LDB2: variants seen among roughly 807,000 people sequenced by gnomAD.
LDB2 encodes the protein LIM domain-binding protein 2.
A neutral mutation model predicts 44.3 loss-of-function variants in LDB2; 12 were observed. The observed-to-expected ratio is 0.27, with a 90% CI of 0.17 to 0.44. The LOEUF (loss-of-function observed/expected upper bound fraction) is 0.44. Ranked by LOEUF, LDB2 falls within the 20% of genes least tolerant of loss-of-function variation. The pLI is 1.00. For missense variants in LDB2, 344 were observed against 473.5 expected, an observed-to-expected ratio of 0.73 and a Z score of 2.54; for synonymous variants, 164 against 174.8, an observed-to-expected ratio of 0.94 and a Z score of 0.49.
intron 1 of LDB2, among the ~76,000 whole-genome samples, chr4:16,885,366 G>A (rs1721365376): frequency 6.6e-6 from 1 of 151,968 alleles, no homozygotes; most frequent in Non-Finnish European, 1.5e-5. Flanking sequence ...CAAAATGGCT[G>A]CTTCAGTGAA....
intron 5 of LDB2, among the ~76,000 whole-genome samples, chr4:16,576,046 A>G (rs999798466): frequency 6.6e-6 from 1 of 152,322 alleles, no homozygotes. Context: ...TTTTAAAACA[A>G]ATGATAATAG....
chr4:16,875,721 C>T (rs920573747), intron 1 of LDB2, among the ~76,000 whole-genome samples: 4 of 152,184 alleles, frequency 2.6e-5, no homozygotes, highest in Non-Finnish European at 5.9e-5. Context: ...AAGAGACATT[C>T]CTTTATGTAA....
intron 1 of LDB2, among the ~76,000 whole-genome samples, chr4:16,814,184 T>G (rs576010175): frequency 2.0e-4 from 30 of 152,210 alleles, no homozygotes; most frequent in Non-Finnish European, 4.1e-4. Context: ...ATACTGTTTT[T>G]CTAACAGCCC....
chr4:16,517,512 A>G (rs1724214243), intron 5 of LDB2, among the ~76,000 whole-genome samples: 1 of 152,180 alleles, frequency 6.6e-6, no homozygotes, highest in Admixed American at 6.5e-5. Context: ...CATGTCTGCA[A>G]CATCTGCAGC....
intron 5 of LDB2, among the ~76,000 whole-genome samples, chr4:16,529,168 C>T (rs17488750): frequency 0.018 from 2,815 of 152,242 alleles, 32 homozygotes; most frequent in Middle Eastern, 0.041. Context: ...GAATGAGTAA[C>T]GGGCCCAAGG....
intron 2 of LDB2, among the ~76,000 whole-genome samples, chr4:16,623,871 GTT>G (rs1729572412): frequency 6.6e-6 from 1 of 151,996 alleles, no homozygotes; most frequent in South Asian, 2.1e-4. Context: ...TAAGCAAACT[GTT>G]TTCAGCCCCA....
At chr4:16,515,103 C>A (rs1276712923) in intron 5 of LDB2, among the ~76,000 whole-genome samples, 1 of 152,140 alleles carries the variant, frequency 6.6e-6, no homozygotes, top group Admixed American at 6.5e-5. Flanking sequence ...TACTACACAG[C>A]CATAAAAAAG....
At chr4:16,865,300 C>T (rs988571415) in intron 1 of LDB2, among the ~76,000 whole-genome samples, 19 of 152,156 alleles carry the variant, frequency 1.2e-4, no homozygotes, top group African/African-American at 4.6e-4. Flanking sequence ...ACATGGTCAT[C>T]TTCACACCTC....
intron 1 of LDB2, among the ~76,000 whole-genome samples, chr4:16,786,724 CAGTGTCAATATAAGAGACTTAGA>C (rs1774510108): frequency 1.3e-5 from 2 of 152,166 alleles, no homozygotes; most frequent in African/African-American, 4.8e-5. Flanking sequence ...GCCAACCTCT[CAGTGTCAATATAAGAGACTTAGA>C]ACAACTGAGA....
chr4:16,728,319 G>A (rs981494875), intron 2 of LDB2, among the ~76,000 whole-genome samples: 3 of 152,134 alleles, frequency 2.0e-5, no homozygotes, highest in Non-Finnish European at 2.9e-5. Context: ...GCTCAAAGAT[G>A]TCAGCTTGCC....
intron 5 of LDB2, among the ~76,000 whole-genome samples, chr4:16,554,736 A>G (rs1738900753): frequency 6.6e-6 from 1 of 152,226 alleles, no homozygotes; most frequent in East Asian, 1.9e-4. Flanking sequence ...GAGACAGTAA[A>G]AAGATCAGTG....
rs1212178128 is a variant in LDB2 at position 16,502,599 on chromosome 4, A to T, written c.*44T>A. On this transcript the variant is annotated 3_prime_UTR_variant, in exon 8 of 8. Coordinates refer to ENST00000304523, the MANE Select transcript of LDB2 (RefSeq NM_001290.5). Reference sequence around the variant, plus strand: ...TAAGTAAAGATTTGCAATTGTAATGATCACCCACGGGCCTATTGACAGTGG... The same window carrying T: ...TAAGTAAAGATTTGCAATTGTAATGTTCACCCACGGGCCTATTGACAGTGG... The T allele has an allele frequency of 6.3e-7, 1 of 1,598,586 alleles. No individual in the cohort carries two copies. The highest frequency in any genetic ancestry group is 1.1e-5 in the South Asian group (1 of 90,812).
At chr4:16,575,049 G>A (rs888991311) in intron 5 of LDB2, among the ~76,000 whole-genome samples, 1 of 152,118 alleles carries the variant, frequency 6.6e-6, no homozygotes, top group African/African-American at 2.4e-5. Flanking sequence ...CATGACAAAG[G>A]TGTTTAGGGG....
chr4:16,759,599 TTC>T (rs1767443076), intron 1 of LDB2, among the ~76,000 whole-genome samples: 1 of 152,234 alleles, frequency 6.6e-6, no homozygotes, highest in Non-Finnish European at 1.5e-5. Flanking sequence ...TGACTTTTTT[TTC>T]TCTTTCTCTC....
intron 2 of LDB2, among the ~76,000 whole-genome samples, chr4:16,636,255 T>C (rs1297782736): frequency 6.6e-6 from 1 of 152,206 alleles, no homozygotes; most frequent in East Asian, 1.9e-4. Context: ...AGAGCTGAGC[T>C]TCCAGTCCAC....
intron 2 of LDB2, among the ~76,000 whole-genome samples, chr4:16,690,520 G>GAA (rs1750469918): frequency 1.9e-4 from 1 of 5,264 alleles, no homozygotes; most frequent in African/African-American, 4.4e-4. Context: ...GGAGGGAGGG[G>GAA]GGAGGGAGGG....
At chr4:16,535,334 G>A (rs770246506) in intron 5 of LDB2, among the ~76,000 whole-genome samples, 3 of 152,068 alleles carry the variant, frequency 2.0e-5, no homozygotes, top group East Asian at 1.9e-4. Flanking sequence ...TGTACCCTCC[G>A]TTTCCTTTAA....
chr4:16,886,373 A>C (rs1234218157), intron 1 of LDB2, among the ~76,000 whole-genome samples: 4 of 152,236 alleles, frequency 2.6e-5, no homozygotes, highest in African/African-American at 7.2e-5. Context: ...AAGAAGATTT[A>C]AGGACACGGT....
intron 2 of LDB2, among the ~76,000 whole-genome samples, chr4:16,633,910 C>G (rs1459180118): frequency 6.6e-6 from 1 of 152,142 alleles, no homozygotes; most frequent in Non-Finnish European, 1.5e-5. Flanking sequence ...GGTACCAAAA[C>G]AGATATATAG....
Sources: allele counts gnomAD v4.1 joint callset (sites outside exome capture counted in the v4.1 genomes callset), GRCh38; gene constraint gnomAD v4.1.1; transcripts MANE v1.5; gene names NCBI Gene and HGNC (gene_info 2026-07-23, HGNC 2026-07-21).